CHST15: variants seen among roughly 807,000 people sequenced by gnomAD.
The protein encoded by CHST15 is B cell RAG associated protein (GALNAC4S-6ST).
CHST15 carries 30 observed loss-of-function variants against 53.6 expected under a neutral mutation model. That is an observed-to-expected ratio of 0.56 (90% confidence interval 0.42 to 0.76). The LOEUF is 0.76. CHST15 is among the 30% of genes least tolerant of loss of function. The pLI is 0.00. For missense variants in CHST15, 627 were observed against 740.5 expected, an observed-to-expected ratio of 0.85 and a Z score of 1.78; for synonymous variants, 296 against 289.8, an observed-to-expected ratio of 1.02 and a Z score of -0.22.
intron 2 of CHST15, 31 bp downstream of exon 2, chr10:124,045,636 A>T (rs759271654): frequency 6.6e-7 from 1 of 1,519,970 alleles, no homozygotes; most frequent in Non-Finnish European, 8.8e-7. Context: ...AAAATCAACC[A>T]ATCAGTCAAG....
At chr10:124,020,245 C>T (rs1420400077) in intron 6 of CHST15, 3 of 985,398 alleles carry the variant, frequency 3.0e-6, no homozygotes, top group South Asian at 4.7e-5. Flanking sequence ...GCAACTGAGT[C>T]TCAGAAAGGC....
chr10:124,080,156 G>A (rs1440498272), intron 1 of CHST15, among the ~76,000 whole-genome samples: 3 of 152,214 alleles, frequency 2.0e-5, no homozygotes, highest in African/African-American at 7.2e-5. Flanking sequence ...TTCACCCAGA[G>A]ACGGGACGGG....
chr10:124,088,392 G>A (rs1307253613), intron 1 of CHST15, among the ~76,000 whole-genome samples: 3 of 152,230 alleles, frequency 2.0e-5, no homozygotes, highest in African/African-American at 7.2e-5. Context: ...GCCCAGGGTT[G>A]CAGGGCAGAA....
At chr10:124,047,257 T>G (rs1364853711) in intron 1 of CHST15, among the ~76,000 whole-genome samples, 1 of 152,190 alleles carries the variant, frequency 6.6e-6, no homozygotes, top group Non-Finnish European at 1.5e-5. Flanking sequence ...ACCTTTATTA[T>G]CAGATTAGGA....
At chr10:124,016,470 C>T (rs922896418) in intron 6 of CHST15, among the ~76,000 whole-genome samples, 5 of 152,128 alleles carry the variant, frequency 3.3e-5, no homozygotes, top group Admixed American at 6.5e-5. Flanking sequence ...CCCTCCTGTC[C>T]ACTGAGCCTG....
Position 124,010,138 on chromosome 10 carries a change from C to G in CHST15, c.*11G>C. The stretch of plus-strand genomic sequence containing the variant: ...TTGGCGGGCCCAGCACGTGCAGCAA[C>G]AATTCAGCTCTCACGTCGTCTTCCA... On this transcript the variant is annotated 3_prime_UTR_variant, in exon 8 of 8. Coordinates refer to ENST00000435907, the MANE Select transcript of CHST15 (RefSeq NM_001270764.2). 1 of 1,612,206 alleles carries G rather than the reference C, an allele frequency of 6.2e-7. No homozygotes were observed. The highest frequency in any genetic ancestry group is 8.5e-7 in the Non-Finnish European group (1 of 1,179,994).
At chr10:124,040,746 C>T (rs906351545) in intron 4 of CHST15, among the ~76,000 whole-genome samples, 22 of 152,342 alleles carry the variant, frequency 1.4e-4, no homozygotes, top group Middle Eastern at 3.4e-3. Flanking sequence ...CAGAGCTGGC[C>T]GCTGGCCCAA....
At chr10:124,070,124 G>T (rs889463179) in intron 1 of CHST15, among the ~76,000 whole-genome samples, 1 of 152,198 alleles carries the variant, frequency 6.6e-6, no homozygotes, top group Non-Finnish European at 1.5e-5. Flanking sequence ...GAAAGTAGTT[G>T]CTGTGTTGTC....
chr10:124,065,399 G>A (rs906053296), intron 1 of CHST15, among the ~76,000 whole-genome samples: 1 of 152,298 alleles, frequency 6.6e-6, no homozygotes, highest in South Asian at 2.1e-4. Flanking sequence ...AAGAAAAAAA[G>A]TAAATAAGTA....
chr10:124,017,019 C>T (rs1034065349), intron 6 of CHST15, among the ~76,000 whole-genome samples: 2 of 152,182 alleles, frequency 1.3e-5, no homozygotes, highest in Admixed American at 1.3e-4. Flanking sequence ...GAGAAACTAT[C>T]CAAGGGCTTG....
At chr10:124,069,877 T>C (rs1398827127) in intron 1 of CHST15, among the ~76,000 whole-genome samples, 1 of 152,142 alleles carries the variant, frequency 6.6e-6, no homozygotes, top group African/African-American at 2.4e-5. Context: ...TTCCATGACA[T>C]GTGGAATATA....
chr10:124,009,958 G>C lies in CHST15; in HGVS notation c.*191C>G. 7.0e-7 allele frequency: 1 copy of C among 1,431,002 alleles called. No individual in the cohort carries two copies. The highest frequency in any genetic ancestry group is 1.5e-5 in the South Asian group (1 of 67,920). 88.6% of individuals were successfully genotyped at this position (1,431,002 alleles called of 1,614,324 possible). A position where few individuals can be genotyped will look rare whatever the true frequency, so the allele number is the denominator to read the frequency against. On this transcript the variant is annotated 3_prime_UTR_variant, in exon 8 of 8. Transcript: ENST00000435907. ...ATGGCCTCGGATAGAGGAGCTCTGT[G>C]AGGGGTCCATTGCTGAGCTCTCGAA... is the stretch of plus-strand genomic sequence containing the variant.
rs1326322458 is a variant in CHST15 at position 124,092,641 on chromosome 10, G to GTT, written c.-513+827_-513+828insAA. ...CCTCCCCGCCCGGAACCGCCGCAAG[G>GTT]CTAGAGCCAGGGTTCTGGAAGCGCA... On this transcript the variant is annotated intron_variant, in intron 1 of 7. Transcript: ENST00000435907. Among the ~76,000 whole-genome samples the GTT allele has an allele frequency of 3.3e-5, 5 of 152,340 alleles. No individual in the cohort carries two copies. In the East Asian group the frequency reaches 9.7e-4, roughly 29 times the overall value.
chr10:124,060,391 G>GCC (rs991441252), intron 1 of CHST15, among the ~76,000 whole-genome samples: 1 of 149,370 alleles, frequency 6.7e-6, no homozygotes, highest in Non-Finnish European at 1.5e-5. Flanking sequence ...GGTGTGCCAG[G>GCC]CCCCCCAGGG....
intron 5 of CHST15, among the ~76,000 whole-genome samples, chr10:124,038,113 AT>A (rs35814318): frequency 0.012 from 1,440 of 117,820 alleles, 17 homozygotes; most frequent in South Asian, 0.027. Flanking sequence ...ATTTTATTTT[AT>A]TTTTTTTTTT....
At chr10:124,040,439 T>A (rs534561129) in intron 4 of CHST15, among the ~76,000 whole-genome samples, 7 of 152,296 alleles carry the variant, frequency 4.6e-5, no homozygotes, top group African/African-American at 1.7e-4. Context: ...TTTCAACATG[T>A]CTAAAGCTCC....
intron 6 of CHST15, chr10:124,020,516 G>T (rs1447263121): frequency 1.7e-5 from 17 of 985,418 alleles, no homozygotes; most frequent in Non-Finnish European, 1.9e-5. Flanking sequence ...CTCTTGGCCT[G>T]AAGTCCCACC....
chr10:124,067,690 C>G (rs772522820), intron 1 of CHST15, among the ~76,000 whole-genome samples: 7 of 152,226 alleles, frequency 4.6e-5, no homozygotes, highest in Non-Finnish European at 8.8e-5. Context: ...GATCTCAGCT[C>G]ACTGCAACCT....
At chr10:124,049,960 G>T (rs987448618) in intron 1 of CHST15, among the ~76,000 whole-genome samples, 1 of 152,118 alleles carries the variant, frequency 6.6e-6, no homozygotes, top group Non-Finnish European at 1.5e-5. Context: ...GACTTGAATT[G>T]AATGGTAAGA....
Sources: gnomAD v4.1 joint callset for allele counts (sites outside exome capture counted in the v4.1 genomes callset) on GRCh38, gnomAD v4.1.1 for gene constraint, MANE v1.5 for transcripts, NCBI Gene and HGNC (gene_info 2026-07-23, HGNC 2026-07-21) for gene names.